DPP10: variants seen among roughly 807,000 people sequenced by gnomAD.
DPP10 encodes inactive dipeptidyl peptidase 10.
Under a neutral mutation model 120.9 loss-of-function variants are expected in DPP10, and 33 were observed. The ratio of observed to expected loss-of-function variants is 0.27; its 90% CI spans 0.21 to 0.37. DPP10 has a LOEUF of 0.37. DPP10 is among the 10% of genes least tolerant of loss of function. DPP10 has a pLI of 1.00. For synonymous variants in DPP10, 337 were observed against 326.1 expected, an observed-to-expected ratio of 1.03 and a Z score of -0.36; for missense variants, 816 against 942.8, an observed-to-expected ratio of 0.87 and a Z score of 1.76.
At chr2:114,603,538 G>A (rs1304831366) in intron 1 of DPP10, among the ~76,000 whole-genome samples, 1 of 152,014 alleles carries the variant, frequency 6.6e-6, no homozygotes, top group Non-Finnish European at 1.5e-5. Context: ...GCAAATGTTG[G>A]TGGTCCTGAC....
chr2:114,589,255 A>G (rs1295810273), intron 1 of DPP10, among the ~76,000 whole-genome samples: 7 of 152,100 alleles, frequency 4.6e-5, no homozygotes. Flanking sequence ...TCTGGGAGTA[A>G]TTCCTGGAGG....
intron 1 of DPP10, among the ~76,000 whole-genome samples, chr2:115,124,862 A>G (rs1017206394): frequency 1.1e-4 from 16 of 152,208 alleles, no homozygotes; most frequent in Non-Finnish European, 1.2e-4. Context: ...AACTAAAAAA[A>G]TAACTGTGGA....
At chr2:114,587,422 ATTTTTAAACTGAT>A (rs1015505421) in intron 1 of DPP10, among the ~76,000 whole-genome samples, 2 of 151,812 alleles carry the variant, frequency 1.3e-5, no homozygotes, top group African/African-American at 4.8e-5. Context: ...GTCTTTGATC[ATTTTTAAACTGAT>A]TTTTTTTTTC....
intron 1 of DPP10, among the ~76,000 whole-genome samples, chr2:114,463,180 T>C (rs1341684601): frequency 6.6e-6 from 1 of 152,172 alleles, no homozygotes; most frequent in Non-Finnish European, 1.5e-5. Context: ...TACTAACCCA[T>C]GTATGTATAC....
chr2:115,276,826 G>A (rs879503529), intron 1 of DPP10, among the ~76,000 whole-genome samples: 1 of 152,044 alleles, frequency 6.6e-6, no homozygotes, highest in Non-Finnish European at 1.5e-5. Context: ...CTGATTCACT[G>A]CTCTCTACTC....
intron 1 of DPP10, among the ~76,000 whole-genome samples, chr2:114,921,904 C>T (rs1389832531): frequency 6.6e-6 from 1 of 152,148 alleles, no homozygotes; most frequent in African/African-American, 2.4e-5. Flanking sequence ...GCAGCCTTTT[C>T]CCTTGTTTAA....
chr2:114,686,425 TTAAAG>T (rs1245849257), intron 1 of DPP10, among the ~76,000 whole-genome samples: 4 of 151,912 alleles, frequency 2.6e-5, no homozygotes, highest in African/African-American at 9.6e-5. Context: ...CTTCACAAAA[TTAAAG>T]AAAAGAATGG....
At chr2:114,579,196 T>C (rs143189089) in intron 1 of DPP10, among the ~76,000 whole-genome samples, 2 of 152,320 alleles carry the variant, frequency 1.3e-5, no homozygotes, top group Non-Finnish European at 2.9e-5. Flanking sequence ...TGGTTTCCGA[T>C]ATGCAGTACT....
At chr2:115,643,131 T>TAA (rs548760124) in intron 5 of DPP10, among the ~76,000 whole-genome samples, 2 of 144,840 alleles carry the variant, frequency 1.4e-5, no homozygotes, top group Non-Finnish European at 3.0e-5. Context: ...ACTCTAGAAA[T>TAA]AAAAAAAAAA....
intron 3 of DPP10, among the ~76,000 whole-genome samples, chr2:115,462,736 TC>T (rs1439271412): frequency 6.6e-6 from 1 of 152,172 alleles, no homozygotes; most frequent in African/African-American, 2.4e-5. Context: ...TTGTTTTTGT[TC>T]CTGCTTTTGT....
intron 3 of DPP10, among the ~76,000 whole-genome samples, chr2:115,440,389 C>T (rs1032739664): frequency 6.6e-6 from 1 of 151,778 alleles, no homozygotes; most frequent in African/African-American, 2.4e-5. Flanking sequence ...TTATCTTCCT[C>T]CCTTTTTTCT....
chr2:115,652,501 G>T (rs2149382015), intron 5 of DPP10, among the ~76,000 whole-genome samples: 1 of 150,890 alleles, frequency 6.6e-6, no homozygotes, highest in South Asian at 2.1e-4. Context: ...AATGTAGATA[G>T]ATATAGGAAT....
chr2:115,224,300 G>A (rs1318267080), intron 1 of DPP10, among the ~76,000 whole-genome samples: 1 of 151,800 alleles, frequency 6.6e-6, no homozygotes, highest in Non-Finnish European at 1.5e-5. Context: ...TTAAGGGAGG[G>A]GAGAAAAAAG....
intron 5 of DPP10, among the ~76,000 whole-genome samples, chr2:115,594,734 T>G (rs2082886226): frequency 6.6e-6 from 1 of 152,038 alleles, no homozygotes; most frequent in African/African-American, 2.4e-5. Context: ...TTGAGGAGAA[T>G]CAAAGCAAAA....
At chr2:114,853,980 A>C (rs1689175698) in intron 1 of DPP10, among the ~76,000 whole-genome samples, 1 of 152,220 alleles carries the variant, frequency 6.6e-6, no homozygotes, top group Non-Finnish European at 1.5e-5. Context: ...GAGCCACCTA[A>C]TTAACCAGCC....
intron 1 of DPP10, among the ~76,000 whole-genome samples, chr2:114,525,218 G>A (rs1360745948): frequency 1.3e-5 from 2 of 152,100 alleles, no homozygotes; most frequent in African/African-American, 4.8e-5. Context: ...ACACAAGCCT[G>A]TACCCATTAT....
intron 5 of DPP10, among the ~76,000 whole-genome samples, chr2:115,558,710 G>A (rs2080371889): frequency 6.8e-6 from 1 of 148,140 alleles, no homozygotes; most frequent in Admixed American, 7.2e-5. Context: ...GGAATTAAGA[G>A]TTATTTTCAT....
intron 1 of DPP10, among the ~76,000 whole-genome samples, chr2:114,891,615 C>A (rs1438623051): frequency 1.3e-5 from 2 of 152,196 alleles, no homozygotes; most frequent in African/African-American, 4.8e-5. Flanking sequence ...TGTGCCCATG[C>A]TTAAAGCCAT....
At chr2:114,647,764 A>G (rs149340225) in intron 1 of DPP10, among the ~76,000 whole-genome samples, 1 of 150,672 alleles carries the variant, frequency 6.6e-6, no homozygotes, top group Admixed American at 6.7e-5. Flanking sequence ...TTCACACAGC[A>G]TTTCTCTTAC....
Sources: allele counts gnomAD v4.1 joint callset (sites outside exome capture counted in the v4.1 genomes callset), GRCh38; gene constraint gnomAD v4.1.1; transcripts MANE v1.5; gene names NCBI Gene and HGNC (gene_info 2026-07-23, HGNC 2026-07-21).